PLCL2: variants seen among roughly 807,000 people sequenced by gnomAD.
PLCL2 encodes inactive phospholipase C-like protein 2.
A neutral mutation model predicts 79.6 loss-of-function variants in PLCL2; 4 were observed. The ratio of observed to expected loss-of-function variants is 0.05; its 90% confidence interval spans 0.02 to 0.11. The LOEUF (loss-of-function observed/expected upper bound fraction) is 0.11, where lower values mean the gene tolerates loss of function less well. Among genes scored for constraint, PLCL2 ranks in the 10% least tolerant of loss-of-function variants. PLCL2 has a pLI of 1.00. For missense variants in PLCL2, 895 were observed against 1,291.0 expected (o/e 0.69, Z 4.70); for synonymous variants, 484 against 457.7 (o/e 1.06, Z -0.73).
intron 1 of PLCL2, among the ~76,000 whole-genome samples, chr3:16,910,100 T>C (rs963897256): frequency 2.6e-5 from 4 of 152,210 alleles, no homozygotes; most frequent in African/African-American, 9.7e-5. Flanking sequence ...GTTTTCACTC[T>C]CTACTGGATT....
intron 1 of PLCL2, among the ~76,000 whole-genome samples, chr3:16,996,446 T>C (rs934264723): frequency 2.0e-5 from 3 of 152,148 alleles, no homozygotes; most frequent in African/African-American, 7.2e-5. Flanking sequence ...ACTGAAGATC[T>C]TGATAATACT....
intron 1 of PLCL2, among the ~76,000 whole-genome samples, chr3:16,953,764 GT>G (rs951582456): frequency 4.5e-4 from 67 of 148,584 alleles, no homozygotes; most frequent in African/African-American, 1.1e-3. Flanking sequence ...AACCTCCATA[GT>G]TTTTTTTTTA....
At position 16,944,995 on chromosome 3, in the gene PLCL2, GGT is replaced by G. The variant is rs1244397315; in HGVS notation, c.327+59631_327+59632del. Among the ~76,000 whole-genome samples the G allele has an allele frequency of 9.9e-5, 15 of 152,130 alleles. 1 individual carries two copies. The highest frequency in any genetic ancestry group is 9.8e-4 in the Admixed American group (15 of 15,282). ...GGCTGGTCTCGAACTCCTGACCTCAGGTGATCCACCCACCTGGGCCTCCCAGA... is the reference window on the plus strand; with the variant it reads ...GGCTGGTCTCGAACTCCTGACCTCAGGATCCACCCACCTGGGCCTCCCAGA... On this transcript the variant is annotated intron_variant, in intron 1 of 5. Transcript: ENST00000615277.
chr3:16,967,558 A>G (rs2063819966), intron 1 of PLCL2, among the ~76,000 whole-genome samples: 1 of 151,864 alleles, frequency 6.6e-6, no homozygotes, highest in African/African-American at 2.4e-5. Flanking sequence ...CCACCTATGT[A>G]TGTCTTCTTT....
At chr3:17,069,710 T>G (rs1425052851) in intron 5 of PLCL2, among the ~76,000 whole-genome samples, 1 of 152,200 alleles carries the variant, frequency 6.6e-6, no homozygotes, top group East Asian at 1.9e-4. Context: ...ATTTTCAGAT[T>G]TGATGTAATA....
chr3:17,086,928 T>C (rs776129218), intron 5 of PLCL2, among the ~76,000 whole-genome samples: 1 of 152,172 alleles, frequency 6.6e-6, no homozygotes, highest in Non-Finnish European at 1.5e-5. Context: ...ACTAGGAAAT[T>C]ATATATTAAA....
intron 5 of PLCL2, among the ~76,000 whole-genome samples, chr3:17,083,492 C>T (rs954761096): frequency 1.3e-5 from 2 of 152,120 alleles, no homozygotes; most frequent in African/African-American, 4.8e-5. Flanking sequence ...TTGACTCTCA[C>T]TCTAAGTTAT....
At chr3:17,026,215 A>C (rs1031168735) in intron 3 of PLCL2, among the ~76,000 whole-genome samples, 1 of 152,182 alleles carries the variant, frequency 6.6e-6, no homozygotes, top group African/African-American at 2.4e-5. Context: ...GGGCATTTAA[A>C]ATTCTGAGCC....
chr3:16,897,417 C>G (rs1186553548), intron 1 of PLCL2, among the ~76,000 whole-genome samples: 1 of 152,026 alleles, frequency 6.6e-6, no homozygotes, highest in Non-Finnish European at 1.5e-5. Context: ...TCTTGTCCAT[C>G]CCTCACAAGA....
At chr3:16,930,063 T>C (rs183547118) in intron 1 of PLCL2, among the ~76,000 whole-genome samples, 3 of 152,208 alleles carry the variant, frequency 2.0e-5, no homozygotes, top group South Asian at 2.1e-4. Context: ...AGAGTGGTAT[T>C]GTGCAGCCAG....
chr3:16,944,660 C>A, intron 1 of PLCL2, among the ~76,000 whole-genome samples: 1 of 152,026 alleles, frequency 6.6e-6, no homozygotes, highest in East Asian at 1.9e-4. Flanking sequence ...AAACCTGGAG[C>A]ACCTTAATCT....
chr3:16,976,488 A>G (rs1369284023), intron 1 of PLCL2, among the ~76,000 whole-genome samples: 4 of 152,222 alleles, frequency 2.6e-5, no homozygotes, highest in African/African-American at 4.8e-5. Context: ...ATGAGGTCCC[A>G]TCCACATTTA....
chr3:16,979,662 A>G (rs369616361), intron 1 of PLCL2, among the ~76,000 whole-genome samples: 20,152 of 139,052 alleles, frequency 0.14, 1,844 homozygotes, highest in Non-Finnish European at 0.19. Flanking sequence ...GGGTAAGGTC[A>G]CCGATCAACA....
chr3:16,953,701 C>T (rs2063673296), intron 1 of PLCL2, among the ~76,000 whole-genome samples: 1 of 151,934 alleles, frequency 6.6e-6, no homozygotes, highest in Non-Finnish European at 1.5e-5. Context: ...CGTTACCTGT[C>T]TGAGAAAGGA....
intron 1 of PLCL2, among the ~76,000 whole-genome samples, chr3:16,926,341 C>A (rs1697249573): frequency 6.6e-6 from 1 of 152,154 alleles, no homozygotes; most frequent in South Asian, 2.1e-4. Flanking sequence ...AATGCCTTTT[C>A]TTGAAGAAAA....
chr3:17,020,934 C>G (rs1415591682), intron 3 of PLCL2, among the ~76,000 whole-genome samples: 2 of 152,084 alleles, frequency 1.3e-5, no homozygotes, highest in Non-Finnish European at 2.9e-5. Context: ...AGAGATAAAT[C>G]ACACTTCATA....
chr3:16,957,786 G>A (rs1262695824), intron 1 of PLCL2, among the ~76,000 whole-genome samples: 2 of 152,054 alleles, frequency 1.3e-5, no homozygotes, highest in Admixed American at 1.3e-4. Context: ...TTATGTAATG[G>A]CCTTCTTTAT....
intron 1 of PLCL2, among the ~76,000 whole-genome samples, chr3:16,965,151 T>G (rs2063794085): frequency 6.6e-6 from 1 of 152,170 alleles, no homozygotes; most frequent in African/African-American, 2.4e-5. Flanking sequence ...TTTATGATTT[T>G]GGTCTAACAT....
At chr3:16,914,749 T>C (rs34400205) in intron 1 of PLCL2, among the ~76,000 whole-genome samples, 1 of 152,132 alleles carries the variant, frequency 6.6e-6, no homozygotes, top group South Asian at 2.1e-4. Flanking sequence ...TTTTTTATTG[T>C]TTTTAGAGAC....
Sources: allele counts gnomAD v4.1 joint callset (sites outside exome capture counted in the v4.1 genomes callset), GRCh38; gene constraint gnomAD v4.1.1; transcripts MANE v1.5; gene names NCBI Gene and HGNC (gene_info 2026-07-23, HGNC 2026-07-21).